The following PTK2 variants were observed in gnomAD, a reference collection of about 807,000 sequenced individuals.
PTK2 encodes protein tyrosine kinase 2, also known as focal adhesion kinase 1.
In PTK2, 45 loss-of-function variants were observed where a neutral mutation model predicts 150.1. That is an observed-to-expected ratio of 0.30 (90% confidence interval 0.24 to 0.38). The LOEUF (loss-of-function observed/expected upper bound fraction) is 0.38, where lower values mean the gene tolerates loss of function less well. Ranked by LOEUF, PTK2 falls within the 10% of genes least tolerant of loss-of-function variation. The pLI, the probability that PTK2 is intolerant of heterozygous loss-of-function variation, is 1.00. For synonymous variants in PTK2, 432 were observed against 449.2 expected, an observed-to-expected ratio of 0.96 and a Z score of 0.48; for missense variants, 919 against 1,307.3, an observed-to-expected ratio of 0.70 and a Z score of 4.58.
At chr8:140,787,670 A>G (rs2154577479) in intron 14 of PTK2, among the ~76,000 whole-genome samples, 1 of 152,336 alleles carries the variant, frequency 6.6e-6, no homozygotes, top group East Asian at 1.9e-4. Flanking sequence ...ATTACATTTC[A>G]TTACTTTGTT....
At chr8:140,850,719 G>C (rs1373113664) in intron 5 of PTK2, among the ~76,000 whole-genome samples, 3 of 152,080 alleles carry the variant, frequency 2.0e-5, no homozygotes, top group Admixed American at 1.3e-4. Context: ...GACAGAGCGA[G>C]ACTCCATCTC....
At chr8:140,695,672 G>A (rs2153985006) in intron 26 of PTK2, among the ~76,000 whole-genome samples, 1 of 152,264 alleles carries the variant, frequency 6.6e-6, no homozygotes, top group Non-Finnish European at 1.5e-5. Flanking sequence ...AAAGTACTGG[G>A]ATTACAGGCA....
chr8:140,903,049 T>C (rs553363126), intron 2 of PTK2, among the ~76,000 whole-genome samples: 183 of 150,880 alleles, frequency 1.2e-3, no homozygotes, highest in African/African-American at 4.3e-3. Context: ...CATGAAGTCT[T>C]TGCCCATGCC....
At chr8:140,726,809 G>A (rs1208524610) in intron 22 of PTK2, among the ~76,000 whole-genome samples, 2 of 152,152 alleles carry the variant, frequency 1.3e-5, no homozygotes, top group Non-Finnish European at 2.9e-5. Flanking sequence ...AGCACTGTAC[G>A]AAGTTAAATA....
At chr8:140,719,909 AAAAAAT>A (rs2100041913) in intron 22 of PTK2, among the ~76,000 whole-genome samples, 2 of 147,322 alleles carry the variant, frequency 1.4e-5, no homozygotes, top group Non-Finnish European at 3.0e-5. Context: ...AAAAAAAAAA[AAAAAAT>A]CAAAAACAAC....
rs185443109 is a variant in PTK2, at chr8:140,661,231, T to G, written c.2947-1553A>C. 2.1e-3 allele frequency among the ~76,000 whole-genome samples: 317 copies of G among 152,214 alleles called. 1 individual carries two copies. The highest frequency in any genetic ancestry group is 7.3e-3 in the African/African-American group (305 of 41,526). ...AGGAGAATGACAAAATCTAGAGAGATATTCTAGAAAGATGGCTCTTGGCGG... is the reference window on the plus strand; with the variant it reads ...AGGAGAATGACAAAATCTAGAGAGAGATTCTAGAAAGATGGCTCTTGGCGG... On this transcript the variant is annotated intron_variant, in intron 31 of 31. Coordinates refer to ENST00000522684, the Ensembl canonical transcript of PTK2.
chr8:140,669,800 A>T, intron 29 of PTK2, 65 bp from the exon 33 acceptor site: 3 of 1,465,762 alleles, frequency 2.0e-6, no homozygotes, highest in South Asian at 1.2e-5. Context: ...AAAAAGAAAA[A>T]CAATATTAAT....
intron 22 of PTK2, among the ~76,000 whole-genome samples, chr8:140,727,443 A>C (rs1010761238): frequency 6.6e-6 from 1 of 152,040 alleles, no homozygotes; most frequent in African/African-American, 2.4e-5. Context: ...ATAATTGTGA[A>C]ACAGCTTAGT....
At chr8:140,771,206 T>G (rs1382648859) in intron 14 of PTK2, 1 of 153,156 alleles carries the variant, frequency 6.5e-6, no homozygotes, top group African/African-American at 2.4e-5. Context: ...GAAAGAGTTT[T>G]ACGAACAACT....
chr8:140,815,798 GATCAT>G (rs2100104382), intron 10 of PTK2, among the ~76,000 whole-genome samples: 1 of 151,928 alleles, frequency 6.6e-6, no homozygotes, highest in Non-Finnish European at 1.5e-5. Flanking sequence ...GGAGAAAAAG[GATCAT>G]ATCAATAGAT....
intron 31 of PTK2, among the ~76,000 whole-genome samples, chr8:140,663,956 TAAG>T (rs1394259426): frequency 9.2e-5 from 14 of 152,276 alleles, no homozygotes; most frequent in Admixed American, 9.2e-4. Flanking sequence ...ACTCAGCCCT[TAAG>T]AAGCTTCTTA....
At chr8:140,703,279 TA>T (rs1439319894) in intron 24 of PTK2, among the ~76,000 whole-genome samples, 1 of 150,130 alleles carries the variant, frequency 6.7e-6, no homozygotes, top group Non-Finnish European at 1.5e-5. Context: ...AAAAAGAAAA[TA>T]AAAACTTCTG....
chr8:140,944,736 G>A (rs1176887661), intron 1 of PTK2, among the ~76,000 whole-genome samples: 2 of 152,174 alleles, frequency 1.3e-5, no homozygotes, highest in African/African-American at 4.8e-5. Context: ...TTTGTGTACA[G>A]CGCACCCACT....
chr8:140,799,023 G>T lies in PTK2; in HGVS notation c.1093+1436C>A, dbSNP rs146980434. 2.0e-5 allele frequency among the ~76,000 whole-genome samples: 3 copies of T among 152,260 alleles called. No homozygotes were observed. In the East Asian group the frequency reaches 5.8e-4, roughly 29 times the overall value. ...GAAAAATATATGAATAGGCTTATTGGTGTGATCACCGTGGGAAAACACTTT... is the reference window on the plus strand; with the variant it reads ...GAAAAATATATGAATAGGCTTATTGTTGTGATCACCGTGGGAAAACACTTT... On this transcript the variant is annotated intron_variant, in intron 12 of 31. Transcript: ENST00000522684.
At chr8:140,711,795 T>C (rs1486464867) in intron 23 of PTK2, among the ~76,000 whole-genome samples, 1 of 152,222 alleles carries the variant, frequency 6.6e-6, no homozygotes, top group African/African-American at 2.4e-5. Context: ...CTGAGTGCTT[T>C]ATACATGCAT....
intron 2 of PTK2, among the ~76,000 whole-genome samples, chr8:140,902,710 GTGA>G (rs1447286718): frequency 6.6e-6 from 1 of 152,206 alleles, no homozygotes; most frequent in Non-Finnish European, 1.5e-5. Flanking sequence ...CTAATGACCA[GTGA>G]TGATGAGCTT....
chr8:140,911,764 T>C (rs1256531306), intron 2 of PTK2, among the ~76,000 whole-genome samples: 1 of 152,132 alleles, frequency 6.6e-6, no homozygotes, highest in Non-Finnish European at 1.5e-5. Context: ...TTTACATAAT[T>C]AATCATATAC....
At chr8:140,996,461 C>T (rs1356445054) in intron 1 of PTK2, among the ~76,000 whole-genome samples, 1 of 152,206 alleles carries the variant, frequency 6.6e-6, no homozygotes, top group African/African-American at 2.4e-5. Context: ...TTGGAAGATG[C>T]CATCTAGGAC....
intron 2 of PTK2, among the ~76,000 whole-genome samples, chr8:140,913,083 A>G (rs903538072): frequency 6.6e-6 from 1 of 152,212 alleles, no homozygotes; most frequent in Non-Finnish European, 1.5e-5. Context: ...TCTCAACACT[A>G]TAATAGAGGT....
Sources: gnomAD v4.1 joint callset for allele counts (sites outside exome capture counted in the v4.1 genomes callset) on GRCh38, gnomAD v4.1.1 for gene constraint, MANE v1.5 for transcripts, NCBI Gene and HGNC (gene_info 2026-07-23, HGNC 2026-07-21) for gene names.